Variants in COL6A2 observed in about 807,000 individuals in gnomAD.
COL6A2 encodes the protein collagen alpha-2(VI) chain.
A neutral mutation model predicts 124.9 loss-of-function variants in COL6A2; 90 were observed. That is an observed-to-expected ratio of 0.72 (90% CI 0.61 to 0.86). The LOEUF (loss-of-function observed/expected upper bound fraction) is 0.86. Ranked by LOEUF, COL6A2 falls within the 40% of genes least tolerant of loss-of-function variation. The pLI is 0.00. For missense variants in COL6A2, 1,607 were observed against 1,502.5 expected (o/e 1.07, Z -1.15); for synonymous variants, 793 against 618.2 (o/e 1.28, Z -4.19).
intron 4 of COL6A2, 141 bp from the exon 5 acceptor site, chr21:46,113,867 A>T: frequency 1.4e-6 from 1 of 732,870 alleles, no homozygotes; most frequent in Non-Finnish European, 2.5e-6. Flanking sequence ...CAGCTCCCTC[A>T]CGCCCGCCCA....
chr21:46,113,654 G>A, intron 4 of COL6A2: 1 of 390,388 alleles, frequency 2.6e-6, no homozygotes, highest in South Asian at 2.3e-5. Flanking sequence ...CTAACTCCTG[G>A]CCTCAAGCAG....
intron 27 of COL6A2, chr21:46,129,066 A>G (rs1437265216): frequency 2.5e-6 from 4 of 1,599,702 alleles, no homozygotes; most frequent in Non-Finnish European, 1.7e-6. Flanking sequence ...CTCCACCTGC[A>G]TTTCCTCTAC....
chr21:46,121,272 A>G, intron 17 of COL6A2, 149 bp downstream of exon 17: 1 of 807,370 alleles, frequency 1.2e-6, no homozygotes, highest in Non-Finnish European at 2.1e-6. Context: ...GCTCCCCTAG[A>G]CCCCGAGTAC....
chr21:46,113,869 G>T (rs949703211), intron 4 of COL6A2, 139 bp from the exon 5 acceptor site: 2 of 739,640 alleles, frequency 2.7e-6, no homozygotes, highest in African/African-American at 3.4e-5. Context: ...GCTCCCTCAC[G>T]CCCGCCCAGG....
intron 26 of COL6A2, 115 bp from the exon 27 acceptor site, chr21:46,126,388 C>T: frequency 6.5e-7 from 1 of 1,534,426 alleles, no homozygotes; most frequent in Non-Finnish European, 9.0e-7. Context: ...CCTCTCGGGG[C>T]TGCAGGGCAG....
chr21:46,117,276 C>T lies in COL6A2; in HGVS notation c.1000-124C>T, dbSNP rs545182659. 9.5e-5 allele frequency: 93 copies of T among 974,256 alleles called. No individual in the cohort carries two copies. In the African/African-American group the frequency reaches 1.4e-3, roughly 15 times the overall value. 60.4% of individuals were successfully genotyped at this position (974,256 alleles called of 1,614,324 possible). A position where few individuals can be genotyped will look rare whatever the true frequency, so the allele number is the denominator to read the frequency against. On this transcript the variant is annotated intron_variant, in intron 10 of 27. Coordinates refer to ENST00000300527, the MANE Select transcript of COL6A2 (RefSeq NM_001849.4). Reference sequence around the variant, plus strand: ...GCAGCCGTGGCCTCATGTGGGCACCCGTGTGCCAGGAGGAGAGCGCTGCAG... The same window carrying T: ...GCAGCCGTGGCCTCATGTGGGCACCTGTGTGCCAGGAGGAGAGCGCTGCAG...
chr21:46,126,263 G>C, intron 26 of COL6A2, 26 bp downstream of exon 26: 1 of 1,596,018 alleles, frequency 6.3e-7, no homozygotes, highest in South Asian at 1.1e-5. Flanking sequence ...CGGGGCAGTC[G>C]GCCGAGGAGC....
Position 46,112,539 on chromosome 21 carries a change from A to G in COL6A2, c.676A>G (p.Ile226Val). 1 of 1,611,948 alleles carries G rather than the reference A, an allele frequency of 6.2e-7. No homozygotes were observed. Among genetic ancestry groups the G allele is most frequent in the Non-Finnish European group, 8.5e-7 (1 of 1,179,778 alleles). The change falls in exon 3 of 28, where the codon ATC (isoleucine) becomes GTC (valine). Residue 226 changes from isoleucine to valine, a missense_variant. Ile to Val is a conservative substitution (Grantham distance 29). This residue lies in a region of COL6A2 where 342 missense variants were observed against 381.5 expected (regional missense o/e 0.90). Transcript: ENST00000300527. ...YATMLPDSTEIDQDTINRIIK... is the reference protein window; with the variant it reads ...YATMLPDSTEVDQDTINRIIK... ...CACCATGCTGCCCGACTCCACCGAG[A>G]TCGACCAGGACACCATCAACCGCAT... is the stretch of plus-strand genomic sequence containing the variant.
In COL6A2 at chr21:46,116,504, C is replaced by T. The variant is rs2078472565; in HGVS notation, c.927+101C>T. 2 of 1,583,410 alleles carry T rather than the reference C, an allele frequency of 1.3e-6. No individual in the cohort carries two copies. The highest frequency in any genetic ancestry group is 1.7e-6 in the Non-Finnish European group (2 of 1,156,830). Reference sequence around the variant, plus strand: ...CCTGTCACTGCTCCTGGGGCACCGGCCTGGTCTTTTCTCAGTGGTGGCTTT... The same window carrying T: ...CCTGTCACTGCTCCTGGGGCACCGGTCTGGTCTTTTCTCAGTGGTGGCTTT... On this transcript the variant is annotated intron_variant, in intron 8 of 27. Coordinates refer to ENST00000300527, the MANE Select transcript of COL6A2 (RefSeq NM_001849.4). This position sits in a 1 kb window ranked among gnomAD's most constrained non-coding sequence, Gnocchi z 4.6.
In COL6A2 at chr21:46,119,622, C is replaced by T. The variant is rs535775415; in HGVS notation, c.1270-166C>T. Among the ~76,000 whole-genome samples, 304 of 152,294 alleles carry T rather than the reference C, an allele frequency of 2.0e-3. 1 individual carries two copies. The highest frequency in any genetic ancestry group is 0.011 in the South Asian group (52 of 4,826). On this transcript the variant is annotated intron_variant, in intron 14 of 27. Coordinates refer to ENST00000300527, the MANE Select transcript of COL6A2 (RefSeq NM_001849.4). Reference sequence around the variant, plus strand: ...CGAGGGCTGGCAGCAGAGCCACTGGCGCAGGCTGAGGCTGTTGGGAAGGAG... The same window carrying T: ...CGAGGGCTGGCAGCAGAGCCACTGGTGCAGGCTGAGGCTGTTGGGAAGGAG...
intron 27 of COL6A2, chr21:46,128,871 C>T (rs1442363134): frequency 1.3e-6 from 2 of 1,574,864 alleles, no homozygotes; most frequent in East Asian, 2.2e-5. Context: ...GCACTGGAAG[C>T]CCTACTGGAG....
rs531996758 is a variant in COL6A2 at position 46,121,718 on chromosome 21, G to A, written c.1521+100G>A. The stretch of plus-strand genomic sequence containing the variant: ...CTGGGGGACCCTGTTGCCGGCAGAC[G>A]TGCCTCAGGACGGGCCTGTGCCTCC... On this transcript the variant is annotated intron_variant, in intron 18 of 27. Transcript: ENST00000300527. The A allele has an allele frequency of 4.3e-4, 524 of 1,216,612 alleles. 1 individual carries two copies. The East Asian group carries it at 8.0e-3, about 19-fold the overall frequency. 75.4% of individuals were successfully genotyped at this position (1,216,612 alleles called of 1,614,324 possible).
chr21:46,130,171 G>C (rs1247000710), intron 27 of COL6A2, among the ~76,000 whole-genome samples: 1 of 152,220 alleles, frequency 6.6e-6, no homozygotes, highest in Admixed American at 6.5e-5. Flanking sequence ...GTCATGCACA[G>C]TAGGGCGAAT....
rs367857478 is a variant in COL6A2 at position 46,125,508 on chromosome 21, C to T, written c.1860C>T (p.Ile620=). Residue 620 remains isoleucine (I), a synonymous_variant, in exon 25 of 28, where the codon ATC becomes ATT. Transcript: ENST00000300527. ...RCGALDVVFV[I]DSSESIGYTN... ...GCGCCCTGGACGTGGTCTTCGTCAT[C>T]GACAGCTCCGAGAGCATTGGGTACA... 24 of 1,613,016 alleles carry T rather than the reference C, an allele frequency of 1.5e-5. No individual in the cohort carries two copies. The highest frequency in any genetic ancestry group is 1.6e-4 in the Middle Eastern group (1 of 6,062).
intron 16 of COL6A2, 96 bp from the exon 17 acceptor site, chr21:46,120,964 AC>A (rs1344262061): frequency 1.1e-5 from 13 of 1,177,776 alleles, no homozygotes; most frequent in Admixed American, 1.7e-5. Flanking sequence ...GACCCGTCTT[AC>A]CCCCGAGGCC....
At chr21:46,105,608 A>C (rs1161571208) in intron 1 of COL6A2, among the ~76,000 whole-genome samples, 4 of 152,338 alleles carry the variant, frequency 2.6e-5, no homozygotes, top group African/African-American at 9.6e-5. Flanking sequence ...TTCAGGGAGC[A>C]GAGTTTTGTT....
chr21:46,131,423 C>T (rs2078758351), intron 27 of COL6A2, among the ~76,000 whole-genome samples: 1 of 152,230 alleles, frequency 6.6e-6, no homozygotes, highest in African/African-American at 2.4e-5. Context: ...GCCCACTGCT[C>T]CCCACCATGG....
rs184390939 is a variant in COL6A2 at position 46,112,631 on chromosome 21, G to A, written c.714+54G>A. 2.7e-4 allele frequency: 438 copies of A among 1,598,394 alleles called. 2 individuals carry two copies. The African/African-American group carries it at 5.2e-3, about 19-fold the overall frequency. On this transcript the variant is annotated intron_variant, in intron 3 of 27. Transcript: ENST00000300527. ...GCGCCAGGGGTGGCCACGGTGGGCC[G>A]TCCACCCACTCCGGGCCTCACTTTA...
chr21:46,119,989 C>T, intron 15 of COL6A2, 139 bp downstream of exon 15: 1 of 805,244 alleles, frequency 1.2e-6, no homozygotes, highest in Non-Finnish European at 2.1e-6. Flanking sequence ...TCTGCAGAGT[C>T]TGGGAATGCA....
Sources: allele counts gnomAD v4.1 joint callset (sites outside exome capture counted in the v4.1 genomes callset), GRCh38; gene constraint gnomAD v4.1.1; regional missense constraint gnomAD v4.1.1; non-coding constraint Gnocchi (gnomAD v3.1); transcripts MANE v1.5; gene names NCBI Gene and HGNC (gene_info 2026-07-23, HGNC 2026-07-21).